Variants in EXT2 observed in about 807,000 individuals in gnomAD.
EXT2 encodes the protein exostosin glycosyltransferase 2.
EXT2 carries 53 observed loss-of-function variants against 81.6 expected under a neutral mutation model. That is an observed-to-expected ratio of 0.65 (90% CI 0.52 to 0.82). The LOEUF (loss-of-function observed/expected upper bound fraction) is 0.82, where lower values mean the gene tolerates loss of function less well. EXT2 is among the 40% of genes least tolerant of loss of function. The probability of loss-of-function intolerance (pLI) is 0.00; values close to 1 mark genes in which losing one functional copy is unlikely to be tolerated. For synonymous variants in EXT2, 320 were observed against 340.0 expected (o/e 0.94, Z 0.65); for missense variants, 774 against 910.2 (o/e 0.85, Z 1.93).
intron 10 of EXT2, among the ~76,000 whole-genome samples, chr11:44,228,340 T>C (rs117372553): frequency 6.6e-6 from 1 of 152,276 alleles, no homozygotes; most frequent in Non-Finnish European, 1.5e-5. Context: ...TTGGTAGTAA[T>C]GACAAAAGGC....
At chr11:44,223,933 G>C (rs1955811251) in intron 10 of EXT2, among the ~76,000 whole-genome samples, 1 of 152,178 alleles carries the variant, frequency 6.6e-6, no homozygotes, top group South Asian at 2.1e-4. Context: ...TTACATGAGT[G>C]AGCCACTGCA....
intron 1 of EXT2, among the ~76,000 whole-genome samples, chr11:44,102,121 C>T (rs1487469517): frequency 6.6e-6 from 1 of 152,132 alleles, no homozygotes; most frequent in Non-Finnish European, 1.5e-5. Context: ...TTGCAACATT[C>T]CTGCACGTAT....
intron 9 of EXT2, among the ~76,000 whole-genome samples, chr11:44,202,271 T>C (rs369186153): frequency 1.3e-5 from 2 of 152,040 alleles, no homozygotes; most frequent in East Asian, 1.9e-4. Context: ...TCTTTGGACA[T>C]ATATAGATGA....
chr11:44,164,141 T>C (rs1954962366), intron 7 of EXT2, among the ~76,000 whole-genome samples: 1 of 152,190 alleles, frequency 6.6e-6, no homozygotes, highest in Admixed American at 6.5e-5. Flanking sequence ...GCTAAGACTG[T>C]CAAAGGAATT....
intron 7 of EXT2, 137 bp from the exon 8 acceptor site, chr11:44,171,474 A>G (rs899062838): frequency 6.3e-6 from 8 of 1,272,702 alleles, no homozygotes; most frequent in Admixed American, 1.7e-5. Flanking sequence ...AGCAGGGAGC[A>G]TATGCCCTAG....
At chr11:44,217,636 G>T (rs1234047275) in intron 10 of EXT2, among the ~76,000 whole-genome samples, 1 of 152,126 alleles carries the variant, frequency 6.6e-6, no homozygotes, top group Non-Finnish European at 1.5e-5. Context: ...ATTTGCGAGG[G>T]ACTCCTAGGG....
At chr11:44,208,011 G>A (rs561173618) in intron 10 of EXT2, among the ~76,000 whole-genome samples, 2 of 152,148 alleles carry the variant, frequency 1.3e-5, no homozygotes, top group Non-Finnish European at 1.5e-5. Context: ...GTTGTTATTG[G>A]CCAATGAAAG....
At position 44,187,588 on chromosome 11, in the gene EXT2, T is replaced by C. The variant is rs193281729; in HGVS notation, c.1306-10241T>C. On this transcript the variant is annotated intron_variant, in intron 8 of 13. Coordinates refer to ENST00000533608, the MANE Select transcript of EXT2 (RefSeq NM_207122.2). ...GTGTGGAGCTATGAGAAGTGAAGTGTTGATAATTATAAGGTTGATAGTATA... is the reference window on the plus strand; with the variant it reads ...GTGTGGAGCTATGAGAAGTGAAGTGCTGATAATTATAAGGTTGATAGTATA... Among the ~76,000 whole-genome samples, 18 of 152,326 alleles carry C rather than the reference T, an allele frequency of 1.2e-4. No homozygotes were observed. The East Asian group carries it at 3.3e-3, about 28-fold the overall frequency.
chr11:44,100,440 G>A (rs1036996477), intron 1 of EXT2, among the ~76,000 whole-genome samples: 7 of 152,194 alleles, frequency 4.6e-5, no homozygotes, highest in Admixed American at 3.9e-4. Context: ...CACCACGAGT[G>A]GTTTAGGATG....
At chr11:44,174,865 A>G (rs1351595846) in intron 8 of EXT2, among the ~76,000 whole-genome samples, 3 of 152,224 alleles carry the variant, frequency 2.0e-5, no homozygotes, top group Non-Finnish European at 4.4e-5. Context: ...ATACAGAGGG[A>G]CAGGGGAGCT....
At chr11:44,202,466 T>G (rs538374203) in intron 9 of EXT2, among the ~76,000 whole-genome samples, 10 of 152,218 alleles carry the variant, frequency 6.6e-5, no homozygotes, top group Non-Finnish European at 1.2e-4. Flanking sequence ...TTCCATGTTC[T>G]TTTGTTTTAT....
At chr11:44,227,646 A>G (rs977174320) in intron 10 of EXT2, among the ~76,000 whole-genome samples, 1 of 152,182 alleles carries the variant, frequency 6.6e-6, no homozygotes, top group Admixed American at 6.6e-5. Context: ...GTTTGATCCT[A>G]TCTATAGTAA....
intron 8 of EXT2, among the ~76,000 whole-genome samples, chr11:44,197,104 G>A (rs1187910585): frequency 1.3e-5 from 2 of 152,152 alleles, no homozygotes; most frequent in African/African-American, 4.8e-5. Context: ...CCTCTCCTCT[G>A]TGCCTGTATT....
rs1956118773 is a variant in EXT2, at chr11:44,249,002, T to TG, written c.*4716dup. On this transcript the variant is annotated 3_prime_UTR_variant, in exon 14 of 14. Coordinates refer to ENST00000533608, the MANE Select transcript of EXT2 (RefSeq NM_207122.2). ...TTTGTTTGTTTGTTTTTGTTTTTTTTGTTTTTTCTTTGGAAACAGAGTCTC... is the reference window on the plus strand; with the variant it reads ...TTTGTTTGTTTGTTTTTGTTTTTTTTGGTTTTTTCTTTGGAAACAGAGTCTC... Among the ~76,000 whole-genome samples, 1 of 152,152 alleles carries TG rather than the reference T, an allele frequency of 6.6e-6. No homozygotes were observed. Among genetic ancestry groups the TG allele is most frequent in the Non-Finnish European group, 1.5e-5 (1 of 68,020 alleles).
chr11:44,170,654 G>A (rs1955057894), intron 7 of EXT2, among the ~76,000 whole-genome samples: 1 of 152,188 alleles, frequency 6.6e-6, no homozygotes. Context: ...TTAAATGGAT[G>A]TGAATGCACA....
intron 7 of EXT2, among the ~76,000 whole-genome samples, chr11:44,145,865 G>A (rs571680619): frequency 6.6e-6 from 1 of 152,292 alleles, no homozygotes; most frequent in South Asian, 2.1e-4. Flanking sequence ...ACAATTCAGA[G>A]CTGTACAAGC....
At chr11:44,223,214 G>A (rs1442341712) in intron 10 of EXT2, among the ~76,000 whole-genome samples, 1 of 152,212 alleles carries the variant, frequency 6.6e-6, no homozygotes, top group Non-Finnish European at 1.5e-5. Context: ...CTGAAAAATA[G>A]TTTTGGTAGT....
chr11:44,170,810 T>TCACACACA (rs58131996), intron 7 of EXT2, among the ~76,000 whole-genome samples: 14 of 145,658 alleles, frequency 9.6e-5, no homozygotes, highest in African/African-American at 3.3e-4. Context: ...ACGTTCACAT[T>TCACACACA]CACACACACA....
At position 44,107,931 on chromosome 11, in the gene EXT2, C is replaced by T. The variant is rs774620075; in HGVS notation, c.219C>T (p.Ala73=). The T allele has an allele frequency of 1.4e-5, 23 of 1,614,196 alleles. No individual in the cohort carries two copies. Among genetic ancestry groups the T allele is most frequent in the African/African-American group, 5.3e-5 (4 of 75,044 alleles). ...ATGTGCCGGTTGTTAGGCTGCCAGCCGACAGTCCCATCCCAGAGCGGGGGG... is the reference window on the plus strand; with the variant it reads ...ATGTGCCGGTTGTTAGGCTGCCAGCTGACAGTCCCATCCCAGAGCGGGGGG... The part of the protein sequence containing the change: ...IRDVPVVRLP[A]DSPIPERGDL... The change falls in exon 2 of 14, where the codon GCC becomes GCT. Residue 73 remains alanine, a synonymous_variant. Coordinates refer to ENST00000533608, the MANE Select transcript of EXT2 (RefSeq NM_207122.2).
Sources: allele counts gnomAD v4.1 joint callset (sites outside exome capture counted in the v4.1 genomes callset), GRCh38; gene constraint gnomAD v4.1.1; transcripts MANE v1.5; gene names NCBI Gene and HGNC (gene_info 2026-07-23, HGNC 2026-07-21).